SCN9A: variants seen among roughly 807,000 people sequenced by gnomAD.
SCN9A encodes the protein sodium voltage-gated channel alpha subunit 9.
A neutral mutation model predicts 187.0 loss-of-function variants in SCN9A; 131 were observed. The observed-to-expected ratio is 0.70, with a 90% CI of 0.61 to 0.81. SCN9A has a LOEUF of 0.81. SCN9A is among the 30% of genes least tolerant of loss of function. The pLI is 0.00. For synonymous variants in SCN9A, 809 were observed against 808.6 expected (o/e 1.00, Z -0.01); for missense variants, 2,252 against 2,396.6 (o/e 0.94, Z 1.26).
chr2:166,314,887 A>G (rs1430250780), intron 1 of SCN9A, among the ~76,000 whole-genome samples: 1 of 152,182 alleles, frequency 6.6e-6, no homozygotes, highest in African/African-American at 2.4e-5. Context: ...AAAACTACAT[A>G]ATGATGATTG....
chr2:166,293,466 T>A, intron 8 of SCN9A, 94 bp from the exon 9 acceptor site: 1 of 1,065,414 alleles, frequency 9.4e-7, no homozygotes. Flanking sequence ...GTTTCTTCTA[T>A]AGGGGGACAA....
rs146201982 is a variant in SCN9A at position 166,238,324 on chromosome 2, T to TAA, written c.3628-59_3628-58dup. ...CACAACTTAAGCTTCATGATTCATT[T>TAA]AAAAAAAACAGGAAAAATACAATTC... On this transcript the variant is annotated intron_variant, in intron 19 of 26. Transcript: ENST00000642356. 9.6e-6 allele frequency: 11 copies of TAA among 1,144,412 alleles called. No homozygotes were observed. In the Admixed American group the frequency reaches 1.8e-4, roughly 18 times the overall value. The allele number at this position is 1,144,412 out of a possible 1,614,324, so 70.9% of individuals were successfully genotyped here. A position where few individuals can be genotyped will look rare whatever the true frequency, so the allele number is the denominator to read the frequency against.
At chr2:166,248,355 GT>G (rs1313338446) in intron 18 of SCN9A, 1 of 152,166 alleles carries the variant, frequency 6.6e-6, no homozygotes, top group East Asian at 1.9e-4. Context: ...TGCATTTCCA[GT>G]TTTTAAGCAC....
At chr2:166,274,511 T>C (rs964013668) in intron 16 of SCN9A, among the ~76,000 whole-genome samples, 10 of 152,006 alleles carry the variant, frequency 6.6e-5, no homozygotes, top group African/African-American at 1.9e-4. Flanking sequence ...TAGAGAAATA[T>C]AAAAAAAGAG....
In SCN9A at chr2:166,306,973, A is replaced by C. The variant is rs769065818; in HGVS notation, c.360T>G (p.Ile120Met). The C allele has an allele frequency of 2.8e-5, 45 of 1,584,160 alleles. No homozygotes were observed. Among genetic ancestry groups the C allele is most frequent in the Non-Finnish European group, 3.9e-5 (45 of 1,153,598 alleles). The change falls in exon 3 of 27, where the codon ATT (isoleucine) becomes ATG (methionine). Residue 120 changes from isoleucine (I) to methionine (M), a missense_variant. By Grantham distance (10) the Ile-to-Met change is conservative. Transcript: ENST00000642356. Reference sequence around the variant, plus strand: ...AAGGATATGAGTGTACTAAAATCTTAATAGATATTCTTCTTAGAGGACTGA... The same window carrying C: ...AAGGATATGAGTGTACTAAAATCTTCATAGATATTCTTCTTAGAGGACTGA... Reference protein sequence around the residue: ...SPFSPLRRISIKILVHSLFSM... With the variant: ...SPFSPLRRISMKILVHSLFSM...
chr2:166,352,511 A>G (rs1445303478), intron 1 of SCN9A, among the ~76,000 whole-genome samples: 1 of 152,250 alleles, frequency 6.6e-6, no homozygotes, highest in Non-Finnish European at 1.5e-5. Flanking sequence ...ACTGAAGTAT[A>G]GAAATATTAT....
intron 1 of SCN9A, among the ~76,000 whole-genome samples, chr2:166,325,209 A>T (rs1241140979): frequency 2.6e-5 from 4 of 152,130 alleles, no homozygotes; most frequent in Non-Finnish European, 5.9e-5. Context: ...TTATCAGGTA[A>T]ATGCATTGCC....
At chr2:166,297,144 C>T (rs1698340074) in intron 7 of SCN9A, among the ~76,000 whole-genome samples, 1 of 129,370 alleles carries the variant, frequency 7.7e-6, no homozygotes, top group Non-Finnish European at 1.5e-5. Context: ...TTACAGTGAG[C>T]CGAGATAGCG....
chr2:166,230,170 C>T (rs573507043), intron 21 of SCN9A, among the ~76,000 whole-genome samples: 72 of 152,248 alleles, frequency 4.7e-4, no homozygotes, highest in African/African-American at 1.7e-3. Context: ...ACTGGTATGG[C>T]TGTGTTCCAA....
intron 1 of SCN9A, among the ~76,000 whole-genome samples, chr2:166,341,048 T>G (rs1442269038): frequency 6.6e-6 from 1 of 152,236 alleles, no homozygotes; most frequent in East Asian, 1.9e-4. Flanking sequence ...TAAAGTATTT[T>G]CTAAAGAACT....
At chr2:166,226,485 T>C in intron 24 of SCN9A, 82 bp downstream of exon 24, 1 of 972,906 alleles carries the variant, frequency 1.0e-6, no homozygotes. Context: ...TGAATTGATA[T>C]CAAATTAAAC....
At chr2:166,248,379 C>G (rs137982302) in intron 18 of SCN9A, 92 of 152,218 alleles carry the variant, frequency 6.0e-4, no homozygotes, top group African/African-American at 2.0e-3. Context: ...AATGTTCAAT[C>G]CATCAACAAA....
intron 11 of SCN9A, among the ~76,000 whole-genome samples, chr2:166,285,531 C>A (rs1697698299): frequency 6.6e-6 from 1 of 152,152 alleles, no homozygotes; most frequent in South Asian, 2.1e-4. Context: ...CTGCTCCTGT[C>A]ATATTTATTT....
intron 19 of SCN9A, among the ~76,000 whole-genome samples, chr2:166,242,050 T>C (rs143375500): frequency 2.4e-3 from 373 of 152,282 alleles, no homozygotes; most frequent in Admixed American, 4.7e-3. Flanking sequence ...TAGGACTAAT[T>C]GTGCCAACGA....
intron 24 of SCN9A, among the ~76,000 whole-genome samples, chr2:166,224,661 T>C (rs1465854757): frequency 2.6e-5 from 4 of 152,134 alleles, no homozygotes; most frequent in Non-Finnish European, 5.9e-5. Flanking sequence ...ATATTTCCTA[T>C]TCTCCATTGA....
intron 21 of SCN9A, among the ~76,000 whole-genome samples, chr2:166,232,422 A>C (rs894319173): frequency 6.6e-6 from 1 of 152,130 alleles, no homozygotes; most frequent in African/African-American, 2.4e-5. Flanking sequence ...TTAAAGGTGA[A>C]ATTAAATGTG....
chr2:166,353,201 A>G (rs528924602), intron 1 of SCN9A, among the ~76,000 whole-genome samples: 2 of 151,318 alleles, frequency 1.3e-5, no homozygotes, highest in Non-Finnish European at 2.9e-5. Context: ...CAAAAATACA[A>G]AAATAGTGAG....
chr2:166,247,872 T>TATAGGTTGCCA (rs1695864307), intron 18 of SCN9A, among the ~76,000 whole-genome samples: 1 of 152,128 alleles, frequency 6.6e-6, no homozygotes, highest in Non-Finnish European at 1.5e-5. Context: ...TTCATAATTA[T>TATAGGTTGCCA]ATAGGTTGCC....
Position 166,361,289 on chromosome 2 carries a change from A to C in SCN9A, c.-51+14408T>G, listed in dbSNP as rs73972316. On this transcript the variant is annotated intron_variant, in intron 1 of 26. Transcript: ENST00000642356. ...TAAAGCTAATGTTCTTAGGAACGAG[A>C]ATATATTTGCTTACTTTATAATAGA... is the stretch of plus-strand genomic sequence containing the variant. Among the ~76,000 whole-genome samples, 541 of 152,222 alleles carry C rather than the reference A, an allele frequency of 3.6e-3. 3 individuals are homozygous for C. Among genetic ancestry groups the C allele is most frequent in the African/African-American group, 0.012 (512 of 41,564 alleles).
Sources: gnomAD v4.1 joint callset for allele counts (sites outside exome capture counted in the v4.1 genomes callset) on GRCh38, gnomAD v4.1.1 for gene constraint, MANE v1.5 for transcripts, NCBI Gene and HGNC (gene_info 2026-07-23, HGNC 2026-07-21) for gene names.